KLHL20: variants seen among roughly 807,000 people sequenced by gnomAD.
KLHL20 encodes the protein kelch like family member 20.
Under a neutral mutation model 69.5 loss-of-function variants are expected in KLHL20, and 29 were observed. The ratio of observed to expected loss-of-function variants is 0.42; its 90% CI spans 0.31 to 0.57. The LOEUF is 0.57. KLHL20 is among the 20% of genes least tolerant of loss of function. The pLI is 0.18. For missense variants in KLHL20, 419 were observed against 776.0 expected (o/e 0.54, Z 5.47); for synonymous variants, 253 against 265.2 (o/e 0.95, Z 0.45).
rs760685401 is a variant in KLHL20, at chr1:173,755,862, T to C, written c.852-61T>C. 53 of 1,112,018 alleles carry C rather than the reference T, an allele frequency of 4.8e-5. No homozygotes were observed. The Admixed American group carries it at 4.9e-4, about 10-fold the overall frequency. 68.9% of individuals were successfully genotyped at this position (1,112,018 alleles called of 1,614,324 possible). A position where few individuals can be genotyped will look rare whatever the true frequency, so the allele number is the denominator to read the frequency against. On this transcript the variant is annotated intron_variant, in intron 5 of 11. Transcript: ENST00000209884. ...CCAACCTATATATTCCTAAACTACA[T>C]TGGGACTTAACTAACAATGTAATTT...
At chr1:173,764,113 CAT>C (rs1281071519) in intron 7 of KLHL20, among the ~76,000 whole-genome samples, 6 of 152,062 alleles carry the variant, frequency 3.9e-5, no homozygotes, top group Admixed American at 1.3e-4. Flanking sequence ...TGCCAACAAA[CAT>C]ATGAAAAAAT....
intron 10 of KLHL20, among the ~76,000 whole-genome samples, chr1:173,778,426 T>C (rs1648626430): frequency 6.6e-6 from 1 of 152,128 alleles, no homozygotes; most frequent in Non-Finnish European, 1.5e-5. Context: ...CCTCCCAGGC[T>C]CAAGCCTTCC....
chr1:173,720,075 CTG>C (rs1417329394), intron 2 of KLHL20, among the ~76,000 whole-genome samples: 1 of 151,710 alleles, frequency 6.6e-6, no homozygotes, highest in Non-Finnish European at 1.5e-5. Context: ...TGAGCTGTGA[CTG>C]TGCCACTGCA....
chr1:173,726,204 C>A (rs1285756343), intron 2 of KLHL20, among the ~76,000 whole-genome samples: 1 of 152,086 alleles, frequency 6.6e-6, no homozygotes, highest in East Asian at 1.9e-4. Context: ...GGGGGAGGGG[C>A]ACCCACCATT....
Position 173,739,045 on chromosome 1 carries a change from T to A in KLHL20, c.597+4759T>A, listed in dbSNP as rs559377808. 2.0e-5 allele frequency among the ~76,000 whole-genome samples: 3 copies of A among 152,282 alleles called. No individual in the cohort carries two copies. The South Asian group carries it at 6.2e-4, about 32-fold the overall frequency. The stretch of plus-strand genomic sequence containing the variant: ...GGAGGATTCCCTCTTTCTCTGTCTT[T>A]TGGAATAGTGTCCATAGGATTGGTA... On this transcript the variant is annotated intron_variant, in intron 3 of 11. Transcript: ENST00000209884.
chr1:173,781,081 C>T (rs1314641938), intron 10 of KLHL20, among the ~76,000 whole-genome samples: 1 of 151,206 alleles, frequency 6.6e-6, no homozygotes, highest in Non-Finnish European at 1.5e-5. Context: ...AAGAAAACAC[C>T]AGCCAGGGAA....
At chr1:173,763,091 C>T (rs759500677) in intron 7 of KLHL20, among the ~76,000 whole-genome samples, 10 of 151,800 alleles carry the variant, frequency 6.6e-5, no homozygotes, top group Non-Finnish European at 1.0e-4. Context: ...AGCAACCAAG[C>T]GGAGAATCAA....
rs762910208 is a variant in KLHL20, at chr1:173,751,822, C to T, written c.656C>T (p.Ser219Phe). 3.7e-5 allele frequency: 60 copies of T among 1,613,756 alleles called. No homozygotes were observed. The highest frequency in any genetic ancestry group is 4.8e-5 in the Non-Finnish European group (57 of 1,179,868). ...LPANQLIDII[S>F]SDELNVRSEE... is the part of the protein sequence containing the mutation. ...GCCAATCAACTCATTGATATAATAT[C>T]CAGTGATGAGCTAAACGTTCGCAGT... The change falls in exon 4 of 12, where the codon TCC becomes TTC. Residue 219 changes from serine to phenylalanine, a missense_variant. Ser to Phe is a radical substitution (Grantham distance 155, BLOSUM62 -2). Transcript: ENST00000209884.
At chr1:173,760,524 C>T (rs995987243) in intron 7 of KLHL20, among the ~76,000 whole-genome samples, 5 of 152,198 alleles carry the variant, frequency 3.3e-5, no homozygotes, top group Non-Finnish European at 5.9e-5. Flanking sequence ...GACTTCTCAG[C>T]AGAAACCCTA....
intron 7 of KLHL20, among the ~76,000 whole-genome samples, chr1:173,765,719 A>G (rs1420593105): frequency 6.6e-6 from 1 of 152,008 alleles, no homozygotes; most frequent in Non-Finnish European, 1.5e-5. Flanking sequence ...TAGCATAAAT[A>G]GATCTCAAAA....
chr1:173,777,448 C>G (rs1330857441), intron 10 of KLHL20, among the ~76,000 whole-genome samples: 2 of 152,078 alleles, frequency 1.3e-5, no homozygotes, highest in African/African-American at 4.8e-5. Flanking sequence ...CAGTACTATA[C>G]TGAATAACAG....
rs1649179665 is a variant in KLHL20 at position 173,785,915 on chromosome 1, T to A, written c.*668T>A. On this transcript the variant is annotated 3_prime_UTR_variant, in exon 12 of 12. Coordinates refer to ENST00000209884, the MANE Select transcript of KLHL20 (RefSeq NM_014458.4). Reference sequence around the variant, plus strand: ...TGAACTTGTTTATTTAGTCTTTTTTTCATAATATTCTCATAGAGTTTCTGC... The same window carrying A: ...TGAACTTGTTTATTTAGTCTTTTTTACATAATATTCTCATAGAGTTTCTGC... 6.6e-6 allele frequency: 1 copy of A among 152,226 alleles called. No individual in the cohort carries two copies. The highest frequency in any genetic ancestry group is 6.5e-5 in the Admixed American group (1 of 15,290). 9.4% of individuals were successfully genotyped at this position (152,226 alleles called of 1,614,324 possible). A position where few individuals can be genotyped will look rare whatever the true frequency, so the allele number is the denominator to read the frequency against.
chr1:173,729,149 T>G (rs1284545581), intron 2 of KLHL20, among the ~76,000 whole-genome samples: 1 of 152,138 alleles, frequency 6.6e-6, no homozygotes, highest in Non-Finnish European at 1.5e-5. Flanking sequence ...CCTGGACACA[T>G]ACACCCTCCC....
intron 3 of KLHL20, among the ~76,000 whole-genome samples, chr1:173,736,591 ATCT>A (rs1402103490): frequency 6.7e-6 from 1 of 148,232 alleles, no homozygotes; most frequent in Non-Finnish European, 1.5e-5. Context: ...CCATGCCAAC[ATCT>A]TTTTTTTTTT....
chr1:173,722,322 A>G (rs1204372392), intron 2 of KLHL20, among the ~76,000 whole-genome samples: 1 of 152,128 alleles, frequency 6.6e-6, no homozygotes, highest in Non-Finnish European at 1.5e-5. Context: ...TGAAAATTAT[A>G]TGGATGGACA....
chr1:173,727,400 C>T (rs1483841926), intron 2 of KLHL20, among the ~76,000 whole-genome samples: 3 of 152,042 alleles, frequency 2.0e-5, no homozygotes, highest in South Asian at 2.1e-4. Context: ...ATACAGAGAA[C>T]GCCACAAAGA....
chr1:173,728,537 A>G (rs1031890242), intron 2 of KLHL20, among the ~76,000 whole-genome samples: 2 of 152,206 alleles, frequency 1.3e-5, no homozygotes, highest in Non-Finnish European at 2.9e-5. Flanking sequence ...AATTATAACA[A>G]ACTGTCTCTC....
intron 2 of KLHL20, among the ~76,000 whole-genome samples, chr1:173,726,388 T>A (rs1163168424): frequency 6.6e-6 from 1 of 151,186 alleles, no homozygotes; most frequent in East Asian, 1.9e-4. Context: ...GTCTGACAGC[T>A]TTGAAGAGAG....
At chr1:173,749,265 C>T (rs1379172931) in intron 3 of KLHL20, among the ~76,000 whole-genome samples, 1 of 152,156 alleles carries the variant, frequency 6.6e-6, no homozygotes, top group African/African-American at 2.4e-5. Flanking sequence ...CAATTAAGTT[C>T]ACCATATACT....
Sources: allele counts gnomAD v4.1 joint callset (sites outside exome capture counted in the v4.1 genomes callset), GRCh38; gene constraint gnomAD v4.1.1; transcripts MANE v1.5; gene names NCBI Gene and HGNC (gene_info 2026-07-23, HGNC 2026-07-21).